The following HS3ST4 variants were observed in gnomAD, a reference collection of about 807,000 sequenced individuals.
The protein encoded by HS3ST4 is heparan sulfate-glucosamine 3-sulfotransferase 4, also known as heparan sulfate glucosamine 3-O-sulfotransferase 4.
Under a neutral mutation model 29.2 loss-of-function variants are expected in HS3ST4, and 17 were observed. The observed-to-expected ratio is 0.58, with a 90% CI of 0.40 to 0.87. The LOEUF (loss-of-function observed/expected upper bound fraction) is 0.87, where lower values mean the gene tolerates loss of function less well. HS3ST4 is among the 40% of genes least tolerant of loss of function. The pLI, the probability that HS3ST4 is intolerant of heterozygous loss-of-function variation, is 0.00. For missense variants in HS3ST4, 627 were observed against 634.5 expected, an observed-to-expected ratio of 0.99 and a Z score of 0.13; for synonymous variants, 314 against 285.7, an observed-to-expected ratio of 1.10 and a Z score of -1.00.
chr16:25,828,242 C>CTTTCTTTCTTTCTT (rs1371928058), intron 1 of HS3ST4, among the ~76,000 whole-genome samples: 6 of 75,034 alleles, frequency 8.0e-5, no homozygotes, highest in East Asian at 3.7e-4. Context: ...TTCTTTCTTT[C>CTTTCTTTCTTTCTT]TCTTTCTTTC....
chr16:26,032,880 C>G (rs550125304), intron 1 of HS3ST4: 14 of 1,434,974 alleles, frequency 9.8e-6, no homozygotes, highest in Non-Finnish European at 9.6e-7. Flanking sequence ...GGGCTTTGGT[C>G]GGTCTGGGGG....
chr16:25,899,968 A>G (rs894101033), intron 1 of HS3ST4, among the ~76,000 whole-genome samples: 5 of 152,214 alleles, frequency 3.3e-5, no homozygotes, highest in Non-Finnish European at 7.3e-5. Context: ...CTGCCAGGCC[A>G]ACCCTGGGAC....
At chr16:26,134,219 C>A (rs937172931) in intron 1 of HS3ST4, among the ~76,000 whole-genome samples, 1 of 152,060 alleles carries the variant, frequency 6.6e-6, no homozygotes, top group African/African-American at 2.4e-5. Context: ...TGGGATCTGT[C>A]AGTGGCTTTC....
At chr16:25,748,690 G>T (rs984459840) in intron 1 of HS3ST4, among the ~76,000 whole-genome samples, 7 of 152,140 alleles carry the variant, frequency 4.6e-5, no homozygotes, top group African/African-American at 1.7e-4. Flanking sequence ...ATTCATTCTG[G>T]AGAAGTGATT....
chr16:25,713,771 G>A (rs1966433319), intron 1 of HS3ST4, among the ~76,000 whole-genome samples: 1 of 152,132 alleles, frequency 6.6e-6, no homozygotes. Context: ...AGCAAGACAT[G>A]CCCACCTCAG....
intron 1 of HS3ST4, among the ~76,000 whole-genome samples, chr16:26,029,311 G>T (rs1320963354): frequency 6.6e-6 from 1 of 152,196 alleles, no homozygotes; most frequent in Non-Finnish European, 1.5e-5. Flanking sequence ...CCCTGCACTT[G>T]GACGGTCCCA....
rs564761868 is a variant in HS3ST4 at position 26,072,384 on chromosome 16, C to T, written c.735-63228C>T. ...ACTCTGGCTGATGAGCTGGTGATAG[C>T]TTTGGTGTGGGACACGGAGCATCAG... is the stretch of plus-strand genomic sequence containing the variant. On this transcript the variant is annotated intron_variant, in intron 1 of 1. Transcript: ENST00000331351. Among the ~76,000 whole-genome samples the T allele has an allele frequency of 4.6e-5, 7 of 152,236 alleles. No homozygotes were observed. The East Asian group carries it at 1.4e-3, about 29-fold the overall frequency.
In HS3ST4 at chr16:25,857,952, C is replaced by CTTTCTTTCTTTCTT. The variant is rs1567257178; in HGVS notation, c.734+164803_734+164816dup. ...TCTTTCTTTCTTTCTTTCTTTCTTT[C>CTTTCTTTCTTTCTT]TTTCTTTCTTTCTTTCTTTCTCTTT... On this transcript the variant is annotated intron_variant, in intron 1 of 1. Coordinates refer to ENST00000331351, the MANE Select transcript of HS3ST4 (RefSeq NM_006040.3). 7.8e-4 allele frequency among the ~76,000 whole-genome samples: 42 copies of CTTTCTTTCTTTCTT among 53,908 alleles called. 1 individual carries two copies. The highest frequency in any genetic ancestry group is 5.6e-3 in the Admixed American group (30 of 5,370). The allele number at this position is 53,908 out of a possible 152,430, so 35.4% of individuals were successfully genotyped here.
At chr16:26,017,608 T>C (rs1228057997) in intron 1 of HS3ST4, among the ~76,000 whole-genome samples, 1 of 152,214 alleles carries the variant, frequency 6.6e-6, no homozygotes, top group Admixed American at 6.5e-5. Context: ...CACTTTCTAA[T>C]GAGGATTTAC....
intron 1 of HS3ST4, among the ~76,000 whole-genome samples, chr16:26,135,012 CT>C (rs1898261264): frequency 6.6e-6 from 1 of 151,574 alleles, no homozygotes; most frequent in African/African-American, 2.4e-5. Context: ...TTATTATTAT[CT>C]TTTTGGTTTT....
At chr16:25,956,409 G>A in intron 1 of HS3ST4, among the ~76,000 whole-genome samples, 1 of 152,162 alleles carries the variant, frequency 6.6e-6, no homozygotes, top group East Asian at 1.9e-4. Flanking sequence ...ACAAGACAAG[G>A]ATGCCCCTTT....
At chr16:26,073,137 T>C (rs1168740313) in intron 1 of HS3ST4, among the ~76,000 whole-genome samples, 1 of 152,204 alleles carries the variant, frequency 6.6e-6, no homozygotes, top group Non-Finnish European at 1.5e-5. Flanking sequence ...CAAACATTTA[T>C]TGAGCACTTC....
rs138928254 is a variant in HS3ST4 at position 25,889,315 on chromosome 16, G to A, written c.734+196164G>A. On this transcript the variant is annotated intron_variant, in intron 1 of 1. Coordinates refer to ENST00000331351, the MANE Select transcript of HS3ST4 (RefSeq NM_006040.3). ...CGTTTGCCTAATTGTTTCTTAGACT[G>A]GAGAACAAGAAAGTCGGGGCTCTCC... Among the ~76,000 whole-genome samples the A allele has an allele frequency of 9.2e-3, 1,399 of 152,262 alleles. 10 individuals are homozygous for A. Among genetic ancestry groups the A allele is most frequent in the South Asian group, 0.019 (91 of 4,818 alleles).
intron 1 of HS3ST4, among the ~76,000 whole-genome samples, chr16:25,729,675 G>T (rs186205875): frequency 6.1e-4 from 93 of 152,288 alleles, no homozygotes; most frequent in African/African-American, 2.1e-3. Flanking sequence ...TTTTCCCTGA[G>T]TTATTATATC....
At chr16:25,964,177 T>C (rs1484230669) in intron 1 of HS3ST4, among the ~76,000 whole-genome samples, 1 of 135,790 alleles carries the variant, frequency 7.4e-6, no homozygotes, top group African/African-American at 2.7e-5. Flanking sequence ...CTCCATCTCA[T>C]AAAAAAAAAA....
intron 1 of HS3ST4, among the ~76,000 whole-genome samples, chr16:26,081,590 A>G (rs1898724287): frequency 6.6e-6 from 1 of 152,100 alleles, no homozygotes; most frequent in Non-Finnish European, 1.5e-5. Flanking sequence ...GTGGGGCATA[A>G]AACTCTGCTC....
chr16:25,742,326 C>A (rs1038901775), intron 1 of HS3ST4, among the ~76,000 whole-genome samples: 7 of 152,154 alleles, frequency 4.6e-5, no homozygotes, highest in Non-Finnish European at 1.0e-4. Flanking sequence ...TAAAGAGAAG[C>A]CTCCTTCCTG....
chr16:26,130,112 G>A (rs772562959), intron 1 of HS3ST4, among the ~76,000 whole-genome samples: 7 of 152,304 alleles, frequency 4.6e-5, no homozygotes, highest in Middle Eastern at 6.8e-3. Flanking sequence ...GAGTGAGTTG[G>A]AGAGTGTCTC....
In HS3ST4 at chr16:25,903,452, A is replaced by G. The variant is rs138241451; in HGVS notation, c.734+210301A>G. On this transcript the variant is annotated intron_variant, in intron 1 of 1. Transcript: ENST00000331351. ...GAATGCTGTAATTCATGCCTGATTC[A>G]TTGCATCATTACCTATAACAATATG... Among the ~76,000 whole-genome samples the G allele has an allele frequency of 4.3e-3, 650 of 151,384 alleles. 5 individuals are homozygous for G. The highest frequency in any genetic ancestry group is 0.015 in the African/African-American group (615 of 41,264).
Sources: gnomAD v4.1 joint callset for allele counts (sites outside exome capture counted in the v4.1 genomes callset) on GRCh38, gnomAD v4.1.1 for gene constraint, MANE v1.5 for transcripts, NCBI Gene and HGNC (gene_info 2026-07-23, HGNC 2026-07-21) for gene names.